Variants in ACSL3 observed in about 807,000 individuals in gnomAD.
ACSL3 encodes fatty acid CoA ligase Acsl3.
ACSL3 carries 34 observed loss-of-function variants against 84.7 expected under a neutral mutation model. The observed-to-expected ratio is 0.40, with a 90% CI of 0.31 to 0.53. ACSL3 has a LOEUF of 0.53. ACSL3 is among the 20% of genes least tolerant of loss of function. The probability of loss-of-function intolerance (pLI) is 0.48; values close to 1 mark genes in which losing one functional copy is unlikely to be tolerated. For synonymous variants in ACSL3, 315 were observed against 299.4 expected, an observed-to-expected ratio of 1.05 and a Z score of -0.54; for missense variants, 680 against 873.1, an observed-to-expected ratio of 0.78 and a Z score of 2.79.
chr2:222,907,304 C>G (rs907556615), intron 3 of ACSL3, among the ~76,000 whole-genome samples: 21 of 152,066 alleles, frequency 1.4e-4, no homozygotes, highest in Non-Finnish European at 2.9e-5. Flanking sequence ...TTCTTCAGTT[C>G]TCTCATCTAT....
intron 12 of ACSL3, among the ~76,000 whole-genome samples, chr2:222,927,560 A>G (rs1166119905): frequency 6.6e-6 from 1 of 152,160 alleles, no homozygotes; most frequent in African/African-American, 2.4e-5. Flanking sequence ...GTAGGTGAGT[A>G]TATTAAGGCT....
chr2:222,939,075 T>C (rs1431641649), intron 16 of ACSL3, among the ~76,000 whole-genome samples: 2 of 152,202 alleles, frequency 1.3e-5, no homozygotes, highest in Non-Finnish European at 2.9e-5. Flanking sequence ...CTTATGACGG[T>C]TATTTTGAAT....
intron 1 of ACSL3, among the ~76,000 whole-genome samples, chr2:222,882,785 A>G (rs1169057024): frequency 5.7e-5 from 4 of 69,670 alleles, no homozygotes; most frequent in African/African-American, 2.3e-4. Context: ...TTTTTTGAAG[A>G]CAGATTCTCG....
At chr2:222,888,858 C>T (rs1365138370) in intron 2 of ACSL3, among the ~76,000 whole-genome samples, 3 of 152,150 alleles carry the variant, frequency 2.0e-5, no homozygotes, top group Non-Finnish European at 2.9e-5. Context: ...ATACTTTGTC[C>T]ACTTTAATAG....
chr2:222,932,038 A>G (rs908081651), intron 14 of ACSL3, among the ~76,000 whole-genome samples: 14 of 152,196 alleles, frequency 9.2e-5, no homozygotes, highest in African/African-American at 3.4e-4. Context: ...CTGTCTCAAA[A>G]TCTCAAAACC....
Position 222,921,550 on chromosome 2 carries a change from C to T in ACSL3, c.956+120C>T, listed in dbSNP as rs138183640. On this transcript the variant is annotated intron_variant, in intron 8 of 16. Transcript: ENST00000357430. ...TCCCTCAGAGTCTGTTTGTAGTAGG[C>T]ATTTCCTTAAAAAATAAAAAAGGAC... 260 of 962,324 alleles carry T rather than the reference C, an allele frequency of 2.7e-4. 2 individuals carry two copies. In the African/African-American group the frequency reaches 3.8e-3, roughly 14 times the overall value. The allele number at this position is 962,324 out of a possible 1,614,324, so 59.6% of individuals were successfully genotyped here. A position where few individuals can be genotyped will look rare whatever the true frequency, so the allele number is the denominator to read the frequency against.
chr2:222,909,893 C>T (rs1696397794), intron 4 of ACSL3, among the ~76,000 whole-genome samples: 1 of 149,388 alleles, frequency 6.7e-6, no homozygotes, highest in Admixed American at 6.7e-5. Flanking sequence ...TTTCACTTTA[C>T]AGATGACAGC....
chr2:222,902,959 A>C (rs7576552), intron 3 of ACSL3, among the ~76,000 whole-genome samples: 1 of 151,950 alleles, frequency 6.6e-6, no homozygotes, highest in Non-Finnish European at 1.5e-5. Context: ...GTGAGGTTTC[A>C]CCGGGGACTC....
intron 1 of ACSL3, among the ~76,000 whole-genome samples, chr2:222,867,388 C>T (rs565644493): frequency 6.6e-6 from 1 of 152,348 alleles, no homozygotes; most frequent in South Asian, 2.1e-4. Context: ...CAGCTAACCA[C>T]TGCTCTGAAT....
chr2:222,940,349 G>A (rs1281381385), intron 16 of ACSL3, among the ~76,000 whole-genome samples: 1 of 152,150 alleles, frequency 6.6e-6, no homozygotes, highest in Non-Finnish European at 1.5e-5. Flanking sequence ...AAAGGAAAAG[G>A]TGAATTTCCC....
intron 16 of ACSL3, among the ~76,000 whole-genome samples, chr2:222,935,988 G>C (rs1454440513): frequency 1.3e-5 from 2 of 151,790 alleles, no homozygotes; most frequent in East Asian, 3.9e-4. Flanking sequence ...ATTACTTGAG[G>C]TACTTCATAC....
intron 13 of ACSL3, among the ~76,000 whole-genome samples, chr2:222,929,322 T>G (rs969608873): frequency 1.3e-5 from 2 of 152,150 alleles, no homozygotes; most frequent in African/African-American, 4.8e-5. Context: ...TTCTGAGGGC[T>G]TCAACCTTGT....
Position 222,933,307 on chromosome 2 carries a change from T to C in ACSL3, c.1847+27T>C, listed in dbSNP as rs372360492. Reference sequence around the variant, plus strand: ...TAAGAACGTGGAATTCATACTACTTTTACTTAAAATATTTGATGTCCATAG... The same window carrying C: ...TAAGAACGTGGAATTCATACTACTTCTACTTAAAATATTTGATGTCCATAG... On this transcript the variant is annotated intron_variant, in intron 15 of 16. Coordinates refer to ENST00000357430, the MANE Select transcript of ACSL3 (RefSeq NM_004457.5). 8.9e-5 allele frequency: 133 copies of C among 1,501,680 alleles called. No individual in the cohort carries two copies. In the African/African-American group the frequency reaches 1.8e-3, roughly 20 times the overall value. 93.0% of individuals were successfully genotyped at this position (1,501,680 alleles called of 1,614,324 possible).
At position 222,875,140 on chromosome 2, in the gene ACSL3, C is replaced by T. The variant is rs114386154; in HGVS notation, c.-206-12690C>T. Among the ~76,000 whole-genome samples, 919 of 152,188 alleles carry T rather than the reference C, an allele frequency of 6.0e-3. 11 individuals are homozygous for T. The highest frequency in any genetic ancestry group is 0.021 in the African/African-American group (856 of 41,496). Reference sequence around the variant, plus strand: ...AAAGTGATCAGAACAGTGCCTGGCACGTATTAAATGCTCAGTAAATGTACC... The same window carrying T: ...AAAGTGATCAGAACAGTGCCTGGCATGTATTAAATGCTCAGTAAATGTACC... On this transcript the variant is annotated intron_variant, in intron 1 of 16. Transcript: ENST00000357430.
At chr2:222,885,082 G>A (rs192726637) in intron 1 of ACSL3, among the ~76,000 whole-genome samples, 14 of 152,140 alleles carry the variant, frequency 9.2e-5, no homozygotes, top group African/African-American at 2.2e-4. Context: ...GCAAAGTGTC[G>A]GGTCTGGAGC....
At chr2:222,919,417 G>A (rs1696672938) in intron 7 of ACSL3, 1 of 385,666 alleles carries the variant, frequency 2.6e-6, no homozygotes, top group South Asian at 7.2e-5. Context: ...TTTAAAGGTA[G>A]TATTTATTTG....
At chr2:222,867,361 C>A (rs1036830108) in intron 1 of ACSL3, among the ~76,000 whole-genome samples, 6 of 152,206 alleles carry the variant, frequency 3.9e-5, no homozygotes, top group Non-Finnish European at 8.8e-5. Flanking sequence ...AAACCCACTC[C>A]TTTCCCCCAA....
At chr2:222,874,323 C>A (rs911180996) in intron 1 of ACSL3, among the ~76,000 whole-genome samples, 5 of 152,136 alleles carry the variant, frequency 3.3e-5, no homozygotes, top group African/African-American at 1.2e-4. Flanking sequence ...CTGTGCCCGG[C>A]CTTGTACTTC....
intron 3 of ACSL3, among the ~76,000 whole-genome samples, chr2:222,903,641 T>A (rs943801548): frequency 2.0e-5 from 3 of 152,142 alleles, no homozygotes; most frequent in Non-Finnish European, 4.4e-5. Flanking sequence ...ATTTATAAAA[T>A]TTTTTTCTGT....
Sources: allele counts gnomAD v4.1 joint callset (sites outside exome capture counted in the v4.1 genomes callset), GRCh38; gene constraint gnomAD v4.1.1; transcripts MANE v1.5; gene names NCBI Gene and HGNC (gene_info 2026-07-23, HGNC 2026-07-21).